CEP192: variants seen among roughly 807,000 people sequenced by gnomAD.
CEP192 encodes centrosomal protein 192.
CEP192 carries 151 observed loss-of-function variants against 271.8 expected under a neutral mutation model. The ratio of observed to expected loss-of-function variants is 0.56; its 90% confidence interval spans 0.49 to 0.64. The LOEUF is 0.64. Among genes scored for constraint, CEP192 ranks in the 30% least tolerant of loss-of-function variants. The pLI, the probability that CEP192 is intolerant of heterozygous loss-of-function variation, is 0.00. For synonymous variants in CEP192, 995 were observed against 1,076.5 expected (o/e 0.92, Z 1.48); for missense variants, 2,910 against 3,020.5 (o/e 0.96, Z 0.86).
chr18:13,088,223 G>A (rs2038984622), intron 32 of CEP192, among the ~76,000 whole-genome samples: 1 of 152,120 alleles, frequency 6.6e-6, no homozygotes, highest in African/African-American at 2.4e-5. Context: ...TGAGGTGGGA[G>A]GATTGCTTGA....
At chr18:13,047,268 GCTGGTT>G (rs1428424967) in intron 15 of CEP192, among the ~76,000 whole-genome samples, 2 of 152,156 alleles carry the variant, frequency 1.3e-5, no homozygotes, top group Non-Finnish European at 2.9e-5. Context: ...CCAGTTGGAT[GCTGGTT>G]TACCTTTACT....
intron 30 of CEP192, among the ~76,000 whole-genome samples, chr18:13,080,650 C>A (rs543522474): frequency 6.6e-6 from 1 of 152,098 alleles, no homozygotes; most frequent in South Asian, 2.1e-4. Flanking sequence ...GCCTGATTGC[C>A]CTGGCCAGAA....
Position 13,077,978 on chromosome 18 carries a change from C to A in CEP192, c.5616+4793C>A, listed in dbSNP as rs147839246. ...ACTTTTAAGTTCTGGGATACGTGTG[C>A]AGAATGTACAGGTTTGTTACACAGG... On this transcript the variant is annotated intron_variant, in intron 30 of 44. Transcript: ENST00000506447. Among the ~76,000 whole-genome samples, 803 of 152,088 alleles carry A rather than the reference C, an allele frequency of 5.3e-3. 3 individuals are homozygous for A. Among genetic ancestry groups the A allele is most frequent in the African/African-American group, 0.018 (763 of 41,460 alleles).
chr18:13,009,200 G>A (rs145890401), intron 4 of CEP192, among the ~76,000 whole-genome samples: 145 of 152,150 alleles, frequency 9.5e-4, no homozygotes, highest in Non-Finnish European at 1.3e-3. Flanking sequence ...AACTGAAAAT[G>A]CTTTGGTTTG....
rs1448587681 is a variant in CEP192, at chr18:13,057,602, GA to G, written c.4127del (p.Glu1376GlyfsTer3). On this transcript the variant is annotated frameshift_variant, in exon 20 of 45. Transcript: ENST00000506447. LOFTEE classifies it high-confidence loss of function. ...TSGLGSVRVP[E>X]ELKLPHACCV... Reference sequence around the variant, plus strand: ...TCACCCAGGGAGTGTCCGAGTGCCCGAGGAGTTGAAGCTTCCTCATGCTTGC... The same window carrying G: ...TCACCCAGGGAGTGTCCGAGTGCCCGGGAGTTGAAGCTTCCTCATGCTTGC... 4 of 1,613,900 alleles carry G rather than the reference GA, an allele frequency of 2.5e-6. No homozygotes were observed. The African/African-American group carries it at 5.3e-5, about 22-fold the overall frequency.
At chr18:13,108,155 T>C (rs2040043650) in intron 40 of CEP192, among the ~76,000 whole-genome samples, 1 of 152,158 alleles carries the variant, frequency 6.6e-6, no homozygotes. Context: ...TAACTCAAGG[T>C]GGATTAAATA....
chr18:13,024,059 G>A (rs751228254), intron 9 of CEP192, among the ~76,000 whole-genome samples: 3 of 151,990 alleles, frequency 2.0e-5, no homozygotes, highest in Admixed American at 6.5e-5. Flanking sequence ...ATTTCTTCTC[G>A]CTGGATCTGT....
intron 40 of CEP192, among the ~76,000 whole-genome samples, chr18:13,106,788 C>G (rs1270978970): frequency 1.3e-5 from 2 of 152,070 alleles, no homozygotes; most frequent in Non-Finnish European, 2.9e-5. Flanking sequence ...CCATCATCAT[C>G]TCCCACACAA....
Position 13,049,645 on chromosome 18 carries a change from T to G in CEP192, c.2854T>G (p.Phe952Val). 1 of 1,612,540 alleles carries G rather than the reference T, an allele frequency of 6.2e-7. No individual in the cohort carries two copies. Among genetic ancestry groups the G allele is most frequent in the Non-Finnish European group, 8.5e-7 (1 of 1,179,374 alleles). The part of the protein sequence containing the change: ...EISNSEKHVT[F>V]ENHRIVSPKN... ...AAGCAACAGTGAGAAGCATGTGACT[T>G]TTGAAAACCATCGCATAGTCTCACC... The change falls in exon 16 of 45, where the codon TTT becomes GTT. Residue 952 changes from phenylalanine (F) to valine (V), a missense_variant. By Grantham distance (50) the Phe-to-Val change is conservative. Transcript: ENST00000506447.
intron 3 of CEP192, 29 bp downstream of exon 3, chr18:13,001,611 T>C: frequency 6.5e-7 from 1 of 1,532,700 alleles, no homozygotes; most frequent in Non-Finnish European, 8.8e-7. Flanking sequence ...TTGCTTGTAC[T>C]GTGTTAAAAG....
At chr18:13,080,979 G>A (rs1568385939) in intron 30 of CEP192, among the ~76,000 whole-genome samples, 1 of 152,274 alleles carries the variant, frequency 6.6e-6, no homozygotes, top group East Asian at 1.9e-4. Flanking sequence ...TGCATTCCAG[G>A]GATGAAGCCA....
At chr18:13,089,884 C>G (rs1280349586) in intron 33 of CEP192, among the ~76,000 whole-genome samples, 1 of 152,180 alleles carries the variant, frequency 6.6e-6, no homozygotes, top group Non-Finnish European at 1.5e-5. Context: ...TCTAGGCACC[C>G]TTGTAAACAG....
intron 41 of CEP192, 25 bp from the exon 42 acceptor site, chr18:13,114,105 G>A (rs370559309): frequency 1.9e-5 from 31 of 1,598,128 alleles, no homozygotes; most frequent in South Asian, 9.2e-5. Flanking sequence ...TTTCTTCTCC[G>A]TTACCCTGTG....
At chr18:13,084,414 G>C (rs904136283) in intron 30 of CEP192, among the ~76,000 whole-genome samples, 3 of 152,204 alleles carry the variant, frequency 2.0e-5, no homozygotes, top group African/African-American at 7.2e-5. Flanking sequence ...CTCTGTGGGC[G>C]TGGGACCTGC....
chr18:13,112,822 A>G (rs1355314150), intron 40 of CEP192, among the ~76,000 whole-genome samples: 1 of 152,206 alleles, frequency 6.6e-6, no homozygotes, highest in Non-Finnish European at 1.5e-5. Context: ...ATGTGTTTTA[A>G]TGTTTAAGTC....
intron 6 of CEP192, among the ~76,000 whole-genome samples, chr18:13,015,747 A>ATTT (rs1165782893): frequency 7.0e-6 from 1 of 143,156 alleles, no homozygotes; most frequent in African/African-American, 2.6e-5. Context: ...GAACCATGAA[A>ATTT]TTTTTTTTTT....
chr18:13,117,981 T>C (rs988453540), intron 44 of CEP192, among the ~76,000 whole-genome samples: 1 of 152,256 alleles, frequency 6.6e-6, no homozygotes, highest in Non-Finnish European at 1.5e-5. Flanking sequence ...TTATTTGCAC[T>C]GGTATGCTGA....
chr18:13,042,529 A>G (rs2036265694), intron 15 of CEP192, among the ~76,000 whole-genome samples, 195 bp downstream of exon 15: 1 of 152,236 alleles, frequency 6.6e-6, no homozygotes, highest in African/African-American at 2.4e-5. Context: ...AGATGAGTTT[A>G]TAAAACAGAT....
intron 4 of CEP192, among the ~76,000 whole-genome samples, chr18:13,011,012 A>C (rs1246055061): frequency 6.6e-6 from 1 of 152,074 alleles, no homozygotes. Context: ...GGATCATTTG[A>C]GGTCAGGAGT....
Sources: gnomAD v4.1 joint callset for allele counts (sites outside exome capture counted in the v4.1 genomes callset) on GRCh38, gnomAD v4.1.1 for gene constraint, MANE v1.5 for transcripts, NCBI Gene and HGNC (gene_info 2026-07-23, HGNC 2026-07-21) for gene names.